Variants in NKAIN1 observed in about 807,000 individuals in gnomAD.
NKAIN1 encodes the protein sodium/potassium-transporting ATPase subunit beta-1-interacting protein 1.
A neutral mutation model predicts 31.6 loss-of-function variants in NKAIN1; 13 were observed. The ratio of observed to expected loss-of-function variants is 0.41; its 90% CI spans 0.27 to 0.65. NKAIN1 has a LOEUF of 0.65. Among genes scored for constraint, NKAIN1 ranks in the 30% least tolerant of loss-of-function variants. NKAIN1 has a pLI of 0.30. For missense variants in NKAIN1, 193 were observed against 262.2 expected, an observed-to-expected ratio of 0.74 and a Z score of 1.82; for synonymous variants, 104 against 109.0, an observed-to-expected ratio of 0.95 and a Z score of 0.28.
At chr1:31,199,230 G>A (rs1310408481) in intron 1 of NKAIN1, among the ~76,000 whole-genome samples, 1 of 152,178 alleles carries the variant, frequency 6.6e-6, no homozygotes, top group African/African-American at 2.4e-5. Flanking sequence ...CTGAGTTCCA[G>A]CCCCAGTTCT....
Position 31,185,320 on chromosome 1 carries a change from G to C in NKAIN1, c.200C>G (p.Ala67Gly). The C allele has an allele frequency of 6.2e-7, 1 of 1,608,008 alleles. No homozygotes were observed. Among genetic ancestry groups the C allele is most frequent in the Non-Finnish European group, 8.5e-7 (1 of 1,176,878 alleles). ...YRSRYLILYAAWLVLWVGWNA... is the reference protein window; with the variant it reads ...YRSRYLILYAGWLVLWVGWNA... ...CCAGCCAACCCAGAGCACCAGCCAG[G>C]CTGCATACTGGGGAAAGCAGAGGTG... The change falls in exon 3 of 7, where the codon GCC becomes GGC. Residue 67 changes from alanine (A) to glycine (G), a missense_variant. Ala to Gly is a moderately conservative substitution (Grantham distance 60, BLOSUM62 0). Coordinates refer to ENST00000373736, the MANE Select transcript of NKAIN1 (RefSeq NM_024522.3).
intron 1 of NKAIN1, among the ~76,000 whole-genome samples, chr1:31,214,075 T>C (rs1004057178): frequency 1.3e-5 from 2 of 151,850 alleles, no homozygotes; most frequent in East Asian, 3.9e-4. Context: ...GATATATCCA[T>C]ACAACAGAAT....
At chr1:31,183,734 C>T in intron 4 of NKAIN1, 83 bp downstream of exon 4, 2 of 1,431,260 alleles carry the variant, frequency 1.4e-6, no homozygotes, top group South Asian at 1.3e-5. Context: ...AGGCGTGAGC[C>T]ACTGCGCCCA....
chr1:31,182,711 C>G lies in NKAIN1; in HGVS notation c.472-121G>C, dbSNP rs77979698. ...GAGGCATGCCAGGATGAAGGCAAAC[C>G]GTAACAACTTCCAATTAAATGTTTT... On this transcript the variant is annotated intron_variant, in intron 4 of 6. Coordinates refer to ENST00000373736, the MANE Select transcript of NKAIN1 (RefSeq NM_024522.3). The G allele has an allele frequency of 1.0e-3, 924 of 910,230 alleles. 14 individuals are homozygous for G. The East Asian group carries it at 0.023, about 23-fold the overall frequency. 56.4% of individuals were successfully genotyped at this position (910,230 alleles called of 1,614,324 possible).
intron 1 of NKAIN1, among the ~76,000 whole-genome samples, chr1:31,197,255 G>C (rs2148353531): frequency 6.6e-6 from 1 of 151,776 alleles, no homozygotes; most frequent in Admixed American, 6.6e-5. Flanking sequence ...GGGACTACAG[G>C]CACCCACCAG....
chr1:31,232,424 T>TATAGAGAG (rs1313157898), intron 1 of NKAIN1, among the ~76,000 whole-genome samples: 5 of 16,924 alleles, frequency 3.0e-4, no homozygotes, highest in Non-Finnish European at 4.6e-4. Context: ...TATATATATA[T>TATAGAGAG]AGAGAGAGAG....
chr1:31,218,149 G>C (rs1645532882), intron 1 of NKAIN1, among the ~76,000 whole-genome samples: 1 of 150,138 alleles, frequency 6.7e-6, no homozygotes, highest in African/African-American at 2.5e-5. Context: ...TGCAGCCTCT[G>C]CCTCCCAGGT....
At chr1:31,234,468 A>G (rs1394540078) in intron 1 of NKAIN1, among the ~76,000 whole-genome samples, 2 of 139,696 alleles carry the variant, frequency 1.4e-5, no homozygotes, top group African/African-American at 2.7e-5. Flanking sequence ...ACCTTCCAGA[A>G]AGCAAAGAGC....
chr1:31,237,214 G>A (rs1645698871), intron 1 of NKAIN1, among the ~76,000 whole-genome samples: 1 of 152,184 alleles, frequency 6.6e-6, no homozygotes, highest in Non-Finnish European at 1.5e-5. Flanking sequence ...TTGCACCACT[G>A]CACTCTGTCC....
intron 1 of NKAIN1, among the ~76,000 whole-genome samples, chr1:31,212,507 T>A (rs1335442898): frequency 6.6e-6 from 1 of 151,770 alleles, no homozygotes; most frequent in Non-Finnish European, 1.5e-5. Context: ...TAGGCTCAAG[T>A]GATCCTCCCA....
chr1:31,184,406 C>G (rs1645227123), intron 3 of NKAIN1, among the ~76,000 whole-genome samples: 1 of 152,140 alleles, frequency 6.6e-6, no homozygotes, highest in African/African-American at 2.4e-5. Context: ...AGGGGCTGGC[C>G]TAGATCAGAA....
At chr1:31,185,627 A>C (rs1645236275) in intron 2 of NKAIN1, among the ~76,000 whole-genome samples, 1 of 152,190 alleles carries the variant, frequency 6.6e-6, no homozygotes, top group Admixed American at 6.5e-5. Context: ...AAGTTCTCTG[A>C]TAGCTAATCC....
chr1:31,228,929 C>G (rs940016939), intron 1 of NKAIN1, among the ~76,000 whole-genome samples: 2 of 152,152 alleles, frequency 1.3e-5, no homozygotes, highest in African/African-American at 4.8e-5. Context: ...ACAGGAAACT[C>G]ACCACCTGGT....
At position 31,232,411 on chromosome 1, in the gene NKAIN1, A is replaced by G. The variant is rs1290982039; in HGVS notation, c.54+7083T>C. ...TGGCCTACTTCATATATATATATAT[A>G]TATATATATATATAGAGAGAGAGAG... On this transcript the variant is annotated intron_variant, in intron 1 of 6. Coordinates refer to ENST00000373736, the MANE Select transcript of NKAIN1 (RefSeq NM_024522.3). Among the ~76,000 whole-genome samples, 38 of 34,774 alleles carry G rather than the reference A, an allele frequency of 1.1e-3. 2 individuals are homozygous for G. Among genetic ancestry groups the G allele is most frequent in the African/African-American group, 3.3e-3 (35 of 10,670 alleles). The allele number at this position is 34,774 out of a possible 152,430, so 22.8% of individuals were successfully genotyped here.
intron 1 of NKAIN1, among the ~76,000 whole-genome samples, chr1:31,215,110 C>A (rs549647622): frequency 3.9e-5 from 6 of 152,278 alleles, no homozygotes; most frequent in Non-Finnish European, 8.8e-5. Context: ...ACTTATTTAG[C>A]GGCAGCTCCT....
At chr1:31,193,948 A>G (rs1645304976) in intron 1 of NKAIN1, 1 of 152,174 alleles carries the variant, frequency 6.6e-6, no homozygotes, top group Non-Finnish European at 1.5e-5. Flanking sequence ...CTTTGCATAA[A>G]TTGCAAATGC....
At chr1:31,226,038 A>AC (rs1300593169) in intron 1 of NKAIN1, among the ~76,000 whole-genome samples, 1 of 152,232 alleles carries the variant, frequency 6.6e-6, no homozygotes, top group Non-Finnish European at 1.5e-5. Flanking sequence ...ATGAAGCTTC[A>AC]CCCAGGGAAT....
intron 1 of NKAIN1, among the ~76,000 whole-genome samples, chr1:31,200,108 C>A (rs138834384): frequency 6.6e-6 from 1 of 152,372 alleles, no homozygotes; most frequent in East Asian, 1.9e-4. Context: ...CACACGCACG[C>A]ACGCACACCC....
At chr1:31,235,695 C>T (rs1289801703) in intron 1 of NKAIN1, among the ~76,000 whole-genome samples, 1 of 152,142 alleles carries the variant, frequency 6.6e-6, no homozygotes, top group Non-Finnish European at 1.5e-5. Flanking sequence ...GAGTTCCTGA[C>T]AAGTACAGCT....
Sources: allele counts gnomAD v4.1 joint callset (sites outside exome capture counted in the v4.1 genomes callset), GRCh38; gene constraint gnomAD v4.1.1; transcripts MANE v1.5; gene names NCBI Gene and HGNC (gene_info 2026-07-23, HGNC 2026-07-21).